Variants in CTXN3 observed in about 807,000 individuals in gnomAD.
CTXN3 encodes the protein cortexin-3.
A neutral mutation model predicts 5.0 loss-of-function variants in CTXN3; 4 were observed. The observed-to-expected ratio is 0.79, with a 90% CI of 0.39 to 1.82. CTXN3 has a LOEUF of 1.82. Ranked by LOEUF, CTXN3 falls within the 40% of genes most tolerant of loss-of-function variation. The probability of loss-of-function intolerance (pLI) is 0.04; values close to 1 mark genes in which losing one functional copy is unlikely to be tolerated. For synonymous variants in CTXN3, 48 were observed against 38.6 expected (o/e 1.24, Z -0.91); for missense variants, 89 against 99.7 (o/e 0.89, Z 0.46).
intron 1 of CTXN3, among the ~76,000 whole-genome samples, chr5:127,650,065 T>A (rs1055435710): frequency 6.6e-6 from 1 of 152,034 alleles, no homozygotes. Flanking sequence ...CCCTTAAAAA[T>A]TCCTCAAGCA....
chr5:127,657,883 CATAATCCATTATTCCAT>C lies in CTXN3; in HGVS notation c.*118_*134del. ...TTTAAACAATATTTGGTCCCAGGAC[CATAATCCATTATTCCAT>C]AAATATGCAGTTGGGTTAAAGACAT... is the stretch of plus-strand genomic sequence containing the variant. On this transcript the variant is annotated 3_prime_UTR_variant, in exon 3 of 3. Transcript: ENST00000379445. 7.9e-7 allele frequency: 1 copy of C among 1,258,954 alleles called. No individual in the cohort carries two copies. Among genetic ancestry groups the C allele is most frequent in the Non-Finnish European group, 1.1e-6 (1 of 909,384 alleles). The allele number at this position is 1,258,954 out of a possible 1,614,324, so 78.0% of individuals were successfully genotyped here.
intron 1 of CTXN3, among the ~76,000 whole-genome samples, chr5:127,650,064 A>AT: frequency 6.6e-6 from 1 of 152,058 alleles, no homozygotes. Context: ...TCCCTTAAAA[A>AT]TTCCTCAAGC....
chr5:127,657,548 A>G lies in CTXN3; in HGVS notation c.27A>G (p.Ser9=), dbSNP rs758439770. MDGGQPIP[S]SLVPLGNESA... ...TGGATGGAGGACAGCCCATCCCCTC[A>G]TCCCTAGTGCCCCTTGGGAACGAAT... Residue 9 remains serine, a synonymous_variant, in exon 3 of 3, where the codon TCA becomes TCG. Transcript: ENST00000379445. The G allele has an allele frequency of 6.2e-7, 1 of 1,614,024 alleles. No homozygotes were observed. The highest frequency in any genetic ancestry group is 1.1e-5 in the South Asian group (1 of 91,082).
In CTXN3 at chr5:127,658,466, G is replaced by T. The variant is rs1409755461; in HGVS notation, c.*699G>T. The T allele has an allele frequency of 1.2e-5, 2 of 166,996 alleles. No homozygotes were observed. The highest frequency in any genetic ancestry group is 4.8e-5 in the African/African-American group (2 of 41,428). The allele number at this position is 166,996 out of a possible 1,614,324, so 10.3% of individuals were successfully genotyped here. Reference sequence around the variant, plus strand: ...GTGTAGAGGTAGCTATACATTACTTGAATTTACACTTTACACAAATGATTT... The same window carrying T: ...GTGTAGAGGTAGCTATACATTACTTTAATTTACACTTTACACAAATGATTT... On this transcript the variant is annotated 3_prime_UTR_variant, in exon 3 of 3. Coordinates refer to ENST00000379445, the MANE Select transcript of CTXN3 (RefSeq NM_001048252.3).
At position 127,657,452 on chromosome 5, in the gene CTXN3, C is replaced by A. The variant is rs1749934562; in HGVS notation, c.-70C>A. 1.9e-6 allele frequency: 3 copies of A among 1,579,246 alleles called. No homozygotes were observed. The African/African-American group carries it at 4.0e-5, about 21-fold the overall frequency. ...CTCAGCCTCTCCAGAGTGCAGCCAC[C>A]ATGACCTCCGCAGATTGATGATGGA... On this transcript the variant is annotated 5_prime_UTR_variant, in exon 3 of 3. Transcript: ENST00000379445.
intron 1 of CTXN3, among the ~76,000 whole-genome samples, chr5:127,652,794 G>T (rs1004950143): frequency 2.0e-5 from 3 of 152,174 alleles, no homozygotes; most frequent in Non-Finnish European, 2.9e-5. Context: ...ATTCTCCACA[G>T]GTGTCCACAG....
intron 1 of CTXN3, chr5:127,651,630 C>T (rs186570426): frequency 6.6e-6 from 1 of 152,172 alleles, no homozygotes; most frequent in Admixed American, 6.5e-5. Context: ...AACACTCATT[C>T]ATCCCCACCT....
At chr5:127,653,505 C>T (rs1213942984) in intron 2 of CTXN3, 82 bp downstream of exon 2, 1 of 152,114 alleles carries the variant, frequency 6.6e-6, no homozygotes, top group African/African-American at 2.4e-5. Context: ...TATCAAAATC[C>T]TTTGAAATAA....
intron 2 of CTXN3, among the ~76,000 whole-genome samples, chr5:127,657,112 G>A (rs775514236): frequency 6.6e-6 from 1 of 152,174 alleles, no homozygotes; most frequent in Non-Finnish European, 1.5e-5. Flanking sequence ...TGGCAGGGGA[G>A]GCTGGGTTCA....
chr5:127,657,453 A>G lies in CTXN3; in HGVS notation c.-69A>G, dbSNP rs577036902. 12 of 1,582,230 alleles carry G rather than the reference A, an allele frequency of 7.6e-6. No individual in the cohort carries two copies. Among genetic ancestry groups the G allele is most frequent in the African/African-American group, 5.4e-5 (4 of 74,466 alleles). On this transcript the variant is annotated 5_prime_UTR_variant, in exon 3 of 3. The change abolishes an upstream ATG in the 5' untranslated region. Transcript: ENST00000379445. ...TCAGCCTCTCCAGAGTGCAGCCACCATGACCTCCGCAGATTGATGATGGAA... is the reference window on the plus strand; with the variant it reads ...TCAGCCTCTCCAGAGTGCAGCCACCGTGACCTCCGCAGATTGATGATGGAA...
intron 1 of CTXN3, among the ~76,000 whole-genome samples, chr5:127,651,398 A>T (rs1249604565): frequency 6.6e-6 from 1 of 152,146 alleles, no homozygotes; most frequent in Admixed American, 6.5e-5. Flanking sequence ...CAGGCCGTTA[A>T]CACCTGAGGG....
At chr5:127,654,199 C>T (rs1211978233) in intron 2 of CTXN3, among the ~76,000 whole-genome samples, 3 of 152,190 alleles carry the variant, frequency 2.0e-5, no homozygotes, top group Non-Finnish European at 4.4e-5. Context: ...TTGGGCACCA[C>T]AGTGTGCTGG....
intron 2 of CTXN3, among the ~76,000 whole-genome samples, chr5:127,654,942 T>C (rs954149067): frequency 1.3e-5 from 2 of 152,154 alleles, no homozygotes; most frequent in African/African-American, 4.8e-5. Flanking sequence ...TATTTCCTTT[T>C]TGGATTATAT....
intron 1 of CTXN3, among the ~76,000 whole-genome samples, chr5:127,650,074 C>T (rs889491579): frequency 6.6e-6 from 1 of 151,980 alleles, no homozygotes; most frequent in African/African-American, 2.4e-5. Context: ...ATTCCTCAAG[C>T]AGATATTAAG....
intron 1 of CTXN3, among the ~76,000 whole-genome samples, chr5:127,649,824 G>A (rs142341095): frequency 2.6e-5 from 4 of 152,108 alleles, no homozygotes; most frequent in Non-Finnish European, 5.9e-5. Context: ...GACTGTCCCT[G>A]GCTGATAAGC....
chr5:127,656,033 T>C (rs1413936789), intron 2 of CTXN3, among the ~76,000 whole-genome samples: 1 of 152,224 alleles, frequency 6.6e-6, no homozygotes, highest in African/African-American at 2.4e-5. Flanking sequence ...TGATTATAAG[T>C]TAACTGAAGG....
intron 2 of CTXN3, among the ~76,000 whole-genome samples, chr5:127,654,829 G>T (rs1392893826): frequency 6.6e-6 from 1 of 152,108 alleles, no homozygotes; most frequent in Non-Finnish European, 1.5e-5. Context: ...TCATTCTCAA[G>T]GACTCAAAAG....
chr5:127,649,869 G>A (rs946455548), intron 1 of CTXN3, among the ~76,000 whole-genome samples: 5 of 152,110 alleles, frequency 3.3e-5, no homozygotes, highest in Non-Finnish European at 7.3e-5. Flanking sequence ...ATATCAGCAA[G>A]TAGCCGTTTT....
rs1249300328 is a variant in CTXN3 at position 127,657,410 on chromosome 5, T to G, written c.-99-13T>G. 7 of 1,239,828 alleles carry G rather than the reference T, an allele frequency of 5.6e-6. No individual in the cohort carries two copies. The Admixed American group carries it at 1.5e-4, about 27-fold the overall frequency. The allele number at this position is 1,239,828 out of a possible 1,614,324, so 76.8% of individuals were successfully genotyped here. On this transcript the variant is annotated splice_polypyrimidine_tract_variant and intron_variant, in intron 2 of 2. Transcript: ENST00000379445. The stretch of plus-strand genomic sequence containing the variant: ...TTTTATAGGTATTCCTTTCCCTTCC[T>G]TTTTCCCTGCAGATAACTCAGCCTC...
Sources: gnomAD v4.1 joint callset for allele counts (sites outside exome capture counted in the v4.1 genomes callset) on GRCh38, gnomAD v4.1.1 for gene constraint, MANE v1.5 for transcripts, NCBI Gene and HGNC (gene_info 2026-07-23, HGNC 2026-07-21) for gene names.